The following ZBTB20 variants were observed in gnomAD, a reference collection of about 807,000 sequenced individuals.
ZBTB20 encodes zinc finger and BTB domain containing 20.
Under a neutral mutation model 56.9 loss-of-function variants are expected in ZBTB20, and 9 were observed. That is an observed-to-expected ratio of 0.16 (90% CI 0.10 to 0.28). ZBTB20 has a LOEUF of 0.28. Among genes scored for constraint, ZBTB20 ranks in the 10% least tolerant of loss-of-function variants. The pLI is 1.00. For synonymous variants in ZBTB20, 417 were observed against 420.7 expected, an observed-to-expected ratio of 0.99 and a Z score of 0.11; for missense variants, 655 against 1,003.0, an observed-to-expected ratio of 0.65 and a Z score of 4.69.
intron 3 of ZBTB20, among the ~76,000 whole-genome samples, chr3:114,933,442 T>G (rs2076426888): frequency 6.6e-6 from 1 of 152,240 alleles, no homozygotes; most frequent in South Asian, 2.1e-4. Context: ...GTTATTTGCT[T>G]AAGTCTTTTT....
intron 4 of ZBTB20, among the ~76,000 whole-genome samples, chr3:114,857,803 A>C (rs1036928489): frequency 6.6e-6 from 1 of 152,204 alleles, no homozygotes; most frequent in Non-Finnish European, 1.5e-5. Flanking sequence ...TTAAAATTCT[A>C]AAAGTGAGAA....
intron 4 of ZBTB20, among the ~76,000 whole-genome samples, chr3:114,874,315 C>A (rs759205460): frequency 6.6e-6 from 1 of 152,120 alleles, no homozygotes; most frequent in Non-Finnish European, 1.5e-5. Flanking sequence ...AAGTAGATAT[C>A]ACAGCATTTC....
intron 7 of ZBTB20, among the ~76,000 whole-genome samples, chr3:114,404,859 C>T (rs2087156425): frequency 6.6e-6 from 1 of 152,148 alleles, no homozygotes; most frequent in African/African-American, 2.4e-5. Context: ...CAGTTTGCCT[C>T]CTTTTACTGC....
At position 114,506,178 on chromosome 3, in the gene ZBTB20, CAAG is replaced by C. The variant is rs1355469153; in HGVS notation, c.-294-5790_-294-5788del. On this transcript the variant is annotated intron_variant, in intron 6 of 11. Transcript: ENST00000675478. ...AACGCATATTATTTTGGATCCGTCTCAAGAAGAACAATAAGAGAATGATACTGA... is the reference window on the plus strand; with the variant it reads ...AACGCATATTATTTTGGATCCGTCTCAAGAACAATAAGAGAATGATACTGA... Among the ~76,000 whole-genome samples the C allele has an allele frequency of 2.6e-5, 4 of 151,992 alleles. No homozygotes were observed. In the East Asian group the frequency reaches 7.7e-4, roughly 29 times the overall value.
At chr3:114,682,499 C>T (rs1036094961) in intron 6 of ZBTB20, among the ~76,000 whole-genome samples, 26 of 152,110 alleles carry the variant, frequency 1.7e-4, no homozygotes, top group Middle Eastern at 3.2e-3. Flanking sequence ...GAATAGAATT[C>T]GCACTCTTCA....
chr3:114,516,801 C>T (rs1311476848), intron 6 of ZBTB20, among the ~76,000 whole-genome samples: 1 of 152,124 alleles, frequency 6.6e-6, no homozygotes, highest in African/African-American at 2.4e-5. Context: ...CCAAAGATTG[C>T]CAGGAAACCA....
chr3:114,445,207 T>C (rs780896251), intron 7 of ZBTB20, among the ~76,000 whole-genome samples: 4 of 152,210 alleles, frequency 2.6e-5, no homozygotes, highest in Admixed American at 6.5e-5. Flanking sequence ...CCAAAGCTTA[T>C]GATGTTGTTA....
At chr3:114,621,342 C>T (rs2058305700) in intron 6 of ZBTB20, among the ~76,000 whole-genome samples, 1 of 152,144 alleles carries the variant, frequency 6.6e-6, no homozygotes, top group Admixed American at 6.5e-5. Context: ...ATGACCAAAA[C>T]ATTTGACTGA....
chr3:114,901,537 T>C (rs1306921495), intron 3 of ZBTB20, among the ~76,000 whole-genome samples: 2 of 152,092 alleles, frequency 1.3e-5, no homozygotes, highest in Non-Finnish European at 2.9e-5. Context: ...CTCAGTAATT[T>C]TAGTCCCAGG....
intron 6 of ZBTB20, among the ~76,000 whole-genome samples, chr3:114,683,990 G>A (rs1242089371): frequency 6.6e-6 from 1 of 152,080 alleles, no homozygotes; most frequent in Non-Finnish European, 1.5e-5. Flanking sequence ...TATGATCTGG[G>A]GAAGGTTAGG....
chr3:114,674,535 C>T (rs2061525573), intron 6 of ZBTB20, among the ~76,000 whole-genome samples: 1 of 152,026 alleles, frequency 6.6e-6, no homozygotes, highest in Admixed American at 6.6e-5. Flanking sequence ...TAACTTGTAG[C>T]CTCAAAGATT....
chr3:114,717,002 A>G (rs930333626), intron 5 of ZBTB20, among the ~76,000 whole-genome samples: 3 of 152,118 alleles, frequency 2.0e-5, no homozygotes, highest in East Asian at 3.9e-4. Flanking sequence ...GGGGAGGTGT[A>G]TGTAGAGCAG....
At chr3:114,918,644 T>C (rs2107744110) in intron 3 of ZBTB20, among the ~76,000 whole-genome samples, 1 of 152,272 alleles carries the variant, frequency 6.6e-6, no homozygotes, top group Non-Finnish European at 1.5e-5. Context: ...GCCCAGAGTA[T>C]ATCTAGAAAT....
intron 8 of ZBTB20, among the ~76,000 whole-genome samples, chr3:114,385,019 C>G (rs1283677953): frequency 6.6e-6 from 1 of 152,172 alleles, no homozygotes; most frequent in Non-Finnish European, 1.5e-5. Flanking sequence ...GTGCTCTCTT[C>G]TTTCACCCTA....
chr3:114,676,607 C>T (rs559526067), intron 6 of ZBTB20, among the ~76,000 whole-genome samples: 2 of 152,032 alleles, frequency 1.3e-5, no homozygotes, highest in East Asian at 1.9e-4. Flanking sequence ...ACTGAAATCA[C>T]GTGTATTAAC....
At chr3:115,035,897 G>C (rs1279110064) in intron 2 of ZBTB20, among the ~76,000 whole-genome samples, 2 of 152,026 alleles carry the variant, frequency 1.3e-5, no homozygotes. Flanking sequence ...GTCTTAAAAA[G>C]TAAGGAAATT....
intron 6 of ZBTB20, among the ~76,000 whole-genome samples, chr3:114,605,744 G>C (rs532209297): frequency 6.4e-4 from 98 of 152,266 alleles, no homozygotes; most frequent in African/African-American, 2.2e-3. Flanking sequence ...TGAGGAGTGG[G>C]TGCCTTAGCT....
chr3:114,621,883 C>T (rs776242395), intron 6 of ZBTB20, among the ~76,000 whole-genome samples: 3 of 152,164 alleles, frequency 2.0e-5, no homozygotes, highest in Non-Finnish European at 4.4e-5. Flanking sequence ...CAGAGGTACA[C>T]TAATCAAATT....
intron 7 of ZBTB20, among the ~76,000 whole-genome samples, chr3:114,414,246 T>A (rs114863160): frequency 6.6e-6 from 1 of 152,154 alleles, no homozygotes; most frequent in African/African-American, 2.4e-5. Context: ...TAAACTCAGG[T>A]ACTACAATAG....
Sources: allele counts gnomAD v4.1 joint callset (sites outside exome capture counted in the v4.1 genomes callset), GRCh38; gene constraint gnomAD v4.1.1; transcripts MANE v1.5; gene names NCBI Gene and HGNC (gene_info 2026-07-23, HGNC 2026-07-21).